Variants in CNTLN observed in about 807,000 individuals in gnomAD.
The protein encoded by CNTLN is centlein, centrosomal protein.
In CNTLN, 212 loss-of-function variants were observed where a neutral mutation model predicts 180.0. The observed-to-expected ratio is 1.18, with a 90% CI of 1.05 to 1.32. CNTLN has a LOEUF of 1.32. CNTLN is among the 40% of genes most tolerant of loss of function. CNTLN has a pLI of 0.00. For synonymous variants in CNTLN, 722 were observed against 563.1 expected (o/e 1.28, Z -3.99); for missense variants, 2,095 against 1,610.9 (o/e 1.30, Z -5.14).
chr9:17,475,246 A>C (rs1350433499), intron 23 of CNTLN, among the ~76,000 whole-genome samples: 1 of 151,792 alleles, frequency 6.6e-6, no homozygotes, highest in African/African-American at 2.4e-5. Context: ...GTTAAATCTA[A>C]ATCATTATTG....
At chr9:17,193,014 G>A (rs376378550) in intron 2 of CNTLN, among the ~76,000 whole-genome samples, 8 of 152,192 alleles carry the variant, frequency 5.3e-5, no homozygotes, top group South Asian at 4.2e-4. Context: ...AGATGAAAAC[G>A]TGGAAACCCC....
At chr9:17,228,045 G>A (rs922822132) in intron 3 of CNTLN, among the ~76,000 whole-genome samples, 6 of 151,980 alleles carry the variant, frequency 3.9e-5, no homozygotes, top group Non-Finnish European at 7.4e-5. Context: ...AGATTCAGGC[G>A]ATTTGAGAAA....
At chr9:17,511,977 C>A in the CNTLN span, among the ~76,000 whole-genome samples, 729 of 152,250 alleles carry the variant, frequency 4.8e-3, 2 homozygotes, top group Admixed American at 8.4e-3. Context: ...ATAAAAAGAA[C>A]CCTGCCTAGA....
intron 6 of CNTLN, among the ~76,000 whole-genome samples, chr9:17,276,699 C>G (rs183604893): frequency 6.6e-6 from 1 of 152,110 alleles, no homozygotes; most frequent in Non-Finnish European, 1.5e-5. Context: ...TCTACAGATG[C>G]TCAAGCCCTT....
intron 7 of CNTLN, chr9:17,302,156 C>G (rs1045131771): frequency 1.0e-6 from 1 of 963,332 alleles, no homozygotes; most frequent in Non-Finnish European, 1.2e-6. Flanking sequence ...CCAGGGAAGA[C>G]TTCCTTTTAT....
chr9:17,476,812 A>G (rs988385933), intron 23 of CNTLN, among the ~76,000 whole-genome samples: 4 of 152,354 alleles, frequency 2.6e-5, no homozygotes, highest in South Asian at 2.1e-4. Flanking sequence ...GCTGATGTAG[A>G]AGCTGCAGCA....
intron 24 of CNTLN, among the ~76,000 whole-genome samples, chr9:17,486,068 C>G (rs1832874719): frequency 6.6e-6 from 1 of 152,118 alleles, no homozygotes; most frequent in South Asian, 2.1e-4. Flanking sequence ...TATAAACACA[C>G]TGTTCTAAGA....
intron 18 of CNTLN, among the ~76,000 whole-genome samples, chr9:17,430,938 T>G (rs1829379371): frequency 6.6e-6 from 1 of 152,200 alleles, no homozygotes; most frequent in Non-Finnish European, 1.5e-5. Context: ...CACATTTTCT[T>G]TATCCATTCA....
intron 20 of CNTLN, 52 bp downstream of exon 20, chr9:17,463,065 C>A: frequency 2.9e-6 from 3 of 1,043,420 alleles, no homozygotes; most frequent in Non-Finnish European, 2.9e-6. Flanking sequence ...TAGTGGCAAC[C>A]AGCTCTATTA....
intron 13 of CNTLN, among the ~76,000 whole-genome samples, chr9:17,380,655 C>T (rs567238786): frequency 5.9e-5 from 9 of 152,294 alleles, no homozygotes; most frequent in African/African-American, 2.2e-4. Flanking sequence ...GAGCTAGATT[C>T]CTCAGTCTTT....
chr9:17,295,284 A>C (rs1817797851), intron 6 of CNTLN, among the ~76,000 whole-genome samples: 3 of 152,178 alleles, frequency 2.0e-5, no homozygotes, highest in Admixed American at 2.0e-4. Flanking sequence ...CCCAAGGTGC[A>C]GCGGCGGGCT....
intron 15 of CNTLN, among the ~76,000 whole-genome samples, chr9:17,404,243 T>C (rs974506800): frequency 4.0e-5 from 6 of 151,804 alleles, no homozygotes; most frequent in Admixed American, 1.3e-4. Context: ...AGTTAGGGTA[T>C]ATGCCCTAAA....
At chr9:17,294,547 T>C (rs1486314506) in intron 6 of CNTLN, among the ~76,000 whole-genome samples, 2 of 150,726 alleles carry the variant, frequency 1.3e-5, no homozygotes, top group Admixed American at 6.6e-5. Flanking sequence ...CTGATTGGTG[T>C]GTTTACAATC....
intron 12 of CNTLN, among the ~76,000 whole-genome samples, chr9:17,365,573 T>G (rs1198374173): frequency 6.6e-6 from 1 of 152,228 alleles, no homozygotes; most frequent in Non-Finnish European, 1.5e-5. Flanking sequence ...TTTTTGCCTT[T>G]ATTTGGCATC....
intron 1 of CNTLN, among the ~76,000 whole-genome samples, chr9:17,138,908 A>T (rs1050357550): frequency 6.6e-6 from 1 of 152,166 alleles, no homozygotes; most frequent in Non-Finnish European, 1.5e-5. Flanking sequence ...TTGATGAAAG[A>T]CAAAACCAAT....
the CNTLN span, among the ~76,000 whole-genome samples, chr9:17,517,015 T>A: frequency 6.6e-6 from 1 of 150,708 alleles, no homozygotes; most frequent in African/African-American, 2.5e-5. Context: ...ATTCCTAAAG[T>A]AATGGGATCA....
At chr9:17,473,923 T>A (rs1333500249) in intron 23 of CNTLN, among the ~76,000 whole-genome samples, 1 of 152,214 alleles carries the variant, frequency 6.6e-6, no homozygotes, top group African/African-American at 2.4e-5. Flanking sequence ...AGCACTTTTT[T>A]AAAGCCTTCC....
chr9:17,359,987 A>G (rs985072440), intron 12 of CNTLN, among the ~76,000 whole-genome samples: 2 of 151,990 alleles, frequency 1.3e-5, no homozygotes, highest in Non-Finnish European at 2.9e-5. Flanking sequence ...GTTCATCTTG[A>G]TGTGTCTTAT....
intron 18 of CNTLN, among the ~76,000 whole-genome samples, chr9:17,437,147 T>A (rs1369424572): frequency 6.6e-6 from 1 of 152,200 alleles, no homozygotes; most frequent in Non-Finnish European, 1.5e-5. Flanking sequence ...AAACCCAGGA[T>A]CAGAGCTGAG....
Sources: gnomAD v4.1 joint callset for allele counts (sites outside exome capture counted in the v4.1 genomes callset) on GRCh38, gnomAD v4.1.1 for gene constraint, MANE v1.5 for transcripts, NCBI Gene and HGNC (gene_info 2026-07-23, HGNC 2026-07-21) for gene names.